XPO7: variants seen among roughly 807,000 people sequenced by gnomAD.
XPO7 encodes the protein exportin 7.
In XPO7, 21 loss-of-function variants were observed where a neutral mutation model predicts 144.3. That is an observed-to-expected ratio of 0.15 (90% confidence interval 0.10 to 0.21). XPO7 has a LOEUF of 0.21. XPO7 is among the 10% of genes least tolerant of loss of function. The pLI is 1.00. For synonymous variants in XPO7, 580 were observed against 499.6 expected (o/e 1.16, Z -2.15); for missense variants, 808 against 1,325.8 (o/e 0.61, Z 6.06).
At chr8:21,984,896 C>T (rs1812529191) in intron 12 of XPO7, 57 bp downstream of exon 12, 1 of 1,562,016 alleles carries the variant, frequency 6.4e-7, no homozygotes, top group Non-Finnish European at 8.7e-7. Flanking sequence ...GTCTAGTACC[C>T]CTTCGCTCAT....
intron 12 of XPO7, 86 bp downstream of exon 12, chr8:21,984,925 TC>T (rs1381688066): frequency 7.1e-7 from 1 of 1,407,006 alleles, no homozygotes; most frequent in African/African-American, 1.4e-5. Flanking sequence ...CTTTCCTACC[TC>T]CCTGCAAAAG....
At chr8:21,968,546 A>T (rs1456080280) in intron 2 of XPO7, among the ~76,000 whole-genome samples, 1 of 152,128 alleles carries the variant, frequency 6.6e-6, no homozygotes, top group African/African-American at 2.4e-5. Flanking sequence ...CCTGTGGGAG[A>T]TGCCCAGCTA....
intron 1 of XPO7, among the ~76,000 whole-genome samples, chr8:21,942,241 T>G (rs77531098): frequency 0.015 from 2,269 of 152,280 alleles, 66 homozygotes; most frequent in African/African-American, 0.052. Flanking sequence ...GTTCTCAACT[T>G]TTTTGGTCTT....
intron 5 of XPO7, among the ~76,000 whole-genome samples, chr8:21,972,834 G>T (rs1009644220): frequency 4.6e-5 from 7 of 151,866 alleles, no homozygotes; most frequent in Non-Finnish European, 8.8e-5. Flanking sequence ...AATCTTAACT[G>T]TGAGTTGGTC....
At chr8:21,985,018 A>G (rs1205738641) in intron 12 of XPO7, among the ~76,000 whole-genome samples, 179 bp downstream of exon 12, 4 of 152,228 alleles carry the variant, frequency 2.6e-5, no homozygotes, top group African/African-American at 4.8e-5. Context: ...GGGAAGAAGA[A>G]CTGAAATCAC....
In XPO7 at chr8:21,971,881, T is replaced by G; in HGVS notation, c.432T>G (p.Ser144Arg). 2 of 1,612,916 alleles carry G rather than the reference T, an allele frequency of 1.2e-6. No individual in the cohort carries two copies. Among genetic ancestry groups the G allele is most frequent in the Non-Finnish European group, 1.7e-6 (2 of 1,179,428 alleles). The change falls in exon 5 of 28, where the codon AGT becomes AGG. Residue 144 changes from serine to arginine, a missense_variant. Physicochemically the swap from Ser to Arg is moderately radical, Grantham distance 110. Transcript: ENST00000252512. The part of the protein sequence containing the change: ...ITDVTRFLQD[S>R]VEYCIIGVTI... ...CTTATACTTTTTTTAACCAGGATAGTGTTGAATACTGCATCATTGGTGTCA... is the reference window on the plus strand; with the variant it reads ...CTTATACTTTTTTTAACCAGGATAGGGTTGAATACTGCATCATTGGTGTCA...
chr8:21,928,396 A>T (rs1455176122), intron 1 of XPO7, among the ~76,000 whole-genome samples: 1 of 152,258 alleles, frequency 6.6e-6, no homozygotes, highest in Admixed American at 6.5e-5. Flanking sequence ...TGCTGTGAAT[A>T]TTCATATACC....
At chr8:21,995,311 T>C (rs1812909953) in intron 20 of XPO7, among the ~76,000 whole-genome samples, 181 bp from the exon 21 acceptor site, 1 of 152,198 alleles carries the variant, frequency 6.6e-6, no homozygotes, top group Admixed American at 6.5e-5. Flanking sequence ...CTTTCACAGG[T>C]TAAAGAACAC....
At chr8:21,991,349 T>C (rs1812766427) in intron 18 of XPO7, among the ~76,000 whole-genome samples, 1 of 152,224 alleles carries the variant, frequency 6.6e-6, no homozygotes, top group Admixed American at 6.5e-5. Context: ...AGTGGTGATA[T>C]TAGCAGTTTC....
At chr8:21,953,094 A>G (rs1343567757) in intron 1 of XPO7, among the ~76,000 whole-genome samples, 4 of 147,056 alleles carry the variant, frequency 2.7e-5, no homozygotes, top group Admixed American at 2.1e-4. Flanking sequence ...ATGGGCCAGT[A>G]TTGATACATT....
At chr8:21,970,795 A>G (rs556156858) in intron 4 of XPO7, among the ~76,000 whole-genome samples, 110 of 152,030 alleles carry the variant, frequency 7.2e-4, no homozygotes, top group African/African-American at 2.5e-3. Context: ...GTAAAATTAT[A>G]ATGGAACTGG....
intron 16 of XPO7, among the ~76,000 whole-genome samples, chr8:21,990,116 TG>T (rs1402558410): frequency 6.6e-6 from 1 of 152,102 alleles, no homozygotes; most frequent in Non-Finnish European, 1.5e-5. Context: ...CTCAAAGTGC[TG>T]GGATTACAGG....
At chr8:21,999,048 C>CTTCTAATGTGGTTCTAATGTGG (rs977619755) in intron 22 of XPO7, 43 bp from the exon 23 acceptor site, 1 of 1,610,418 alleles carries the variant, frequency 6.2e-7, no homozygotes, top group Non-Finnish European at 8.5e-7. Flanking sequence ...TAAACGAGCG[C>CTTCTAATGTGGTTCTAATGTGG]TTCTAATGTG....
rs544017905 is a variant in XPO7 at position 21,935,048 on chromosome 8, A to AT, written c.18+15260_18+15261insT. ...TAAGAAATGATAAACTAAAGTAAGG[A>AT]CATTTGCATTGTATGTAGGCATTAC... On this transcript the variant is annotated intron_variant, in intron 1 of 27. Coordinates refer to ENST00000252512, the MANE Select transcript of XPO7 (RefSeq NM_015024.5). Among the ~76,000 whole-genome samples, 972 of 152,346 alleles carry AT rather than the reference A, an allele frequency of 6.4e-3. 3 individuals carry two copies. Among genetic ancestry groups the AT allele is most frequent in the Middle Eastern group, 0.017 (5 of 294 alleles).
At position 21,985,671 on chromosome 8, in the gene XPO7, G is replaced by A. The variant is rs751158577; in HGVS notation, c.1557G>A (p.Met519Ile). The A allele has an allele frequency of 6.2e-7, 1 of 1,613,620 alleles. No individual in the cohort carries two copies. Among genetic ancestry groups the A allele is most frequent in the South Asian group, 1.1e-5 (1 of 91,072 alleles). ...SFASTDEQDA[M>I]DGELVCRVLQ... ...CCAGCACTGATGAGCAAGACGCCAT[G>A]GATGGTGAGCTTGTCTGTCGGTAAG... is the stretch of plus-strand genomic sequence containing the variant. Residue 519 changes from methionine (M) to isoleucine (I), a missense_variant, in exon 13 of 28, where the codon ATG becomes ATA. Physicochemically the swap from Met to Ile is conservative, Grantham distance 10 (BLOSUM62 1). This residue lies in a region of XPO7 where 416 missense variants were observed against 612.5 expected (regional missense o/e 0.68). Transcript: ENST00000252512.
intron 1 of XPO7, among the ~76,000 whole-genome samples, chr8:21,964,877 A>G (rs754528312): frequency 6.6e-6 from 1 of 152,252 alleles, no homozygotes. Context: ...TGTAATAAAC[A>G]TAAACAAGAG....
At chr8:21,956,982 C>G (rs1390375371) in intron 1 of XPO7, among the ~76,000 whole-genome samples, 1 of 152,116 alleles carries the variant, frequency 6.6e-6, no homozygotes, top group East Asian at 1.9e-4. Flanking sequence ...TGACTGGAAC[C>G]TCTGAAAGCG....
chr8:21,994,477 A>G (rs552896784), intron 20 of XPO7, 26 bp downstream of exon 20: 15 of 1,595,304 alleles, frequency 9.4e-6, no homozygotes, highest in African/African-American at 2.7e-5. Context: ...CTAGGAGCAC[A>G]CTACAGCCTG....
chr8:21,989,125 G>A (rs746499720), intron 16 of XPO7, 42 bp downstream of exon 16: 2 of 1,559,356 alleles, frequency 1.3e-6, no homozygotes, highest in East Asian at 2.2e-5. Flanking sequence ...ACAGAAACTG[G>A]CATGCCACAG....
Sources: gnomAD v4.1 joint callset for allele counts (sites outside exome capture counted in the v4.1 genomes callset) on GRCh38, gnomAD v4.1.1 for gene constraint, gnomAD v4.1.1 regional missense constraint, MANE v1.5 for transcripts, NCBI Gene and HGNC (gene_info 2026-07-23, HGNC 2026-07-21) for gene names.